The following WWOX variants were observed in gnomAD, a reference collection of about 807,000 sequenced individuals.
The protein encoded by WWOX is WW domain-containing oxidoreductase.
A neutral mutation model predicts 46.2 loss-of-function variants in WWOX; 69 were observed. The ratio of observed to expected loss-of-function variants is 1.49; its 90% CI spans 1.23 to 1.82. The LOEUF (loss-of-function observed/expected upper bound fraction) is 1.82, where lower values mean the gene tolerates loss of function less well. Ranked by LOEUF, WWOX falls within the 40% of genes most tolerant of loss-of-function variation. The probability of loss-of-function intolerance (pLI) is 0.00; values close to 1 mark genes in which losing one functional copy is unlikely to be tolerated. For synonymous variants in WWOX, 359 were observed against 202.6 expected (o/e 1.77, Z -6.56); for missense variants, 919 against 542.6 (o/e 1.69, Z -6.89).
intron 8 of WWOX, among the ~76,000 whole-genome samples, chr16:78,470,304 T>G (rs1327312812): frequency 6.6e-6 from 1 of 152,226 alleles, no homozygotes; most frequent in Admixed American, 6.5e-5. Context: ...CATAACCTTG[T>G]GCCCAGGAAG....
intron 8 of WWOX, among the ~76,000 whole-genome samples, chr16:78,970,898 T>A (rs113138021): frequency 6.6e-6 from 1 of 152,058 alleles, no homozygotes; most frequent in Non-Finnish European, 1.5e-5. Flanking sequence ...AGATGATTTG[T>A]TTGCTTCTGT....
chr16:78,712,237 C>T (rs1396291813), intron 8 of WWOX, among the ~76,000 whole-genome samples: 2 of 152,124 alleles, frequency 1.3e-5, no homozygotes, highest in Non-Finnish European at 2.9e-5. Flanking sequence ...GGCGCGGTGG[C>T]TCACACCTGT....
At chr16:78,997,392 C>T (rs895006730) in intron 8 of WWOX, among the ~76,000 whole-genome samples, 4 of 152,124 alleles carry the variant, frequency 2.6e-5, no homozygotes, top group African/African-American at 2.4e-5. Flanking sequence ...ATTCTTACCA[C>T]GGTGACACGC....
intron 8 of WWOX, among the ~76,000 whole-genome samples, chr16:79,090,318 T>TGA (rs1555525616): frequency 2.7e-5 from 4 of 146,756 alleles, no homozygotes; most frequent in South Asian, 2.2e-4. Flanking sequence ...TGTGTGTGTG[T>TGA]GATATAATGT....
chr16:78,681,728 G>C (rs1217081510), intron 8 of WWOX, among the ~76,000 whole-genome samples: 1 of 152,110 alleles, frequency 6.6e-6, no homozygotes, highest in African/African-American at 2.4e-5. Context: ...GAAGTGAATG[G>C]GACAGTTTCC....
chr16:78,795,092 G>C (rs562401645), intron 8 of WWOX, among the ~76,000 whole-genome samples: 1 of 152,262 alleles, frequency 6.6e-6, no homozygotes, highest in African/African-American at 2.4e-5. Context: ...CTGTTTTCGA[G>C]GGTGGTGTTG....
At chr16:78,721,721 C>T (rs966523031) in intron 8 of WWOX, among the ~76,000 whole-genome samples, 4 of 152,208 alleles carry the variant, frequency 2.6e-5, no homozygotes, top group African/African-American at 9.6e-5. Flanking sequence ...GTAGCATCCT[C>T]ACAGAGTTTT....
intron 8 of WWOX, among the ~76,000 whole-genome samples, chr16:78,864,568 C>G (rs532274015): frequency 6.6e-6 from 1 of 151,702 alleles, no homozygotes; most frequent in African/African-American, 2.4e-5. Flanking sequence ...TGCACCCAGC[C>G]CTGGATTTGG....
intron 6 of WWOX, among the ~76,000 whole-genome samples, chr16:78,399,654 G>A (rs1387343055): frequency 1.3e-5 from 2 of 152,154 alleles, no homozygotes; most frequent in African/African-American, 2.4e-5. Context: ...GAGAACTCTC[G>A]ATTTATATAA....
At chr16:78,564,316 T>C (rs1043751000) in intron 8 of WWOX, among the ~76,000 whole-genome samples, 5 of 152,232 alleles carry the variant, frequency 3.3e-5, no homozygotes, top group Non-Finnish European at 7.3e-5. Flanking sequence ...GTTTGCCCTT[T>C]TCCTCAGCTG....
chr16:78,752,810 A>G (rs1451584507), intron 8 of WWOX, among the ~76,000 whole-genome samples: 1 of 152,190 alleles, frequency 6.6e-6, no homozygotes, highest in African/African-American at 2.4e-5. Context: ...AATTACTTAA[A>G]TGGCCTGGCG....
At chr16:78,879,033 C>T (rs1344908013) in intron 8 of WWOX, among the ~76,000 whole-genome samples, 1 of 151,808 alleles carries the variant, frequency 6.6e-6, no homozygotes, top group Non-Finnish European at 1.5e-5. Flanking sequence ...TGTCACTACA[C>T]TTCACCCTGG....
At chr16:79,145,684 G>C (rs999438637) in intron 8 of WWOX, among the ~76,000 whole-genome samples, 1 of 152,122 alleles carries the variant, frequency 6.6e-6, no homozygotes, top group Non-Finnish European at 1.5e-5. Flanking sequence ...TTAAACTTCT[G>C]TAATTATAAT....
chr16:79,075,768 T>A (rs2048644329), intron 8 of WWOX, among the ~76,000 whole-genome samples: 1 of 152,138 alleles, frequency 6.6e-6, no homozygotes, highest in South Asian at 2.1e-4. Context: ...ATTTTTCAAG[T>A]AAGGTAATGG....
At chr16:78,762,680 GA>G (rs2049823663) in intron 8 of WWOX, among the ~76,000 whole-genome samples, 2 of 152,166 alleles carry the variant, frequency 1.3e-5, no homozygotes, top group Admixed American at 6.5e-5. Flanking sequence ...TGGGAGGCAG[GA>G]ATCCACTGTG....
At chr16:78,612,188 T>G (rs975897756) in intron 8 of WWOX, among the ~76,000 whole-genome samples, 1 of 152,334 alleles carries the variant, frequency 6.6e-6, no homozygotes, top group South Asian at 2.1e-4. Flanking sequence ...GAGCACTGTT[T>G]CCCAAGAGTG....
chr16:78,616,895 A>T (rs1037631186), intron 8 of WWOX, among the ~76,000 whole-genome samples: 1 of 152,168 alleles, frequency 6.6e-6, no homozygotes, highest in Non-Finnish European at 1.5e-5. Context: ...GAATTTCAAC[A>T]TATAAATTTT....
intron 8 of WWOX, among the ~76,000 whole-genome samples, chr16:79,147,956 TA>T (rs2050210400): frequency 6.6e-6 from 1 of 152,354 alleles, no homozygotes; most frequent in African/African-American, 2.4e-5. Context: ...GAAAATTCTT[TA>T]TATATTCTAG....
At chr16:78,714,259 T>C (rs2048512760) in intron 8 of WWOX, among the ~76,000 whole-genome samples, 1 of 152,102 alleles carries the variant, frequency 6.6e-6, no homozygotes, top group Non-Finnish European at 1.5e-5. Context: ...TTTAACGGAC[T>C]CATAGTTGCA....
Sources: gnomAD v4.1 joint callset for allele counts (sites outside exome capture counted in the v4.1 genomes callset) on GRCh38, gnomAD v4.1.1 for gene constraint, MANE v1.5 for transcripts, NCBI Gene and HGNC (gene_info 2026-07-23, HGNC 2026-07-21) for gene names.